SLAMF6: variants seen among roughly 807,000 people sequenced by gnomAD.
SLAMF6 encodes SLAM family member 6.
A neutral mutation model predicts 38.3 loss-of-function variants in SLAMF6; 21 were observed. The observed-to-expected ratio is 0.55, with a 90% confidence interval of 0.39 to 0.79. SLAMF6 has a LOEUF of 0.79. Ranked by LOEUF, SLAMF6 falls within the 30% of genes least tolerant of loss-of-function variation. SLAMF6 has a pLI of 0.00. For synonymous variants in SLAMF6, 152 were observed against 146.3 expected, an observed-to-expected ratio of 1.04 and a Z score of -0.28; for missense variants, 341 against 385.3, an observed-to-expected ratio of 0.89 and a Z score of 0.96.
At chr1:160,500,286 T>A (rs2181949) in intron 1 of SLAMF6, among the ~76,000 whole-genome samples, 22 of 152,376 alleles carry the variant, frequency 1.4e-4, no homozygotes, top group African/African-American at 5.3e-4. Flanking sequence ...CTATGGTCTA[T>A]AAGGACCAAA....
chr1:160,509,535 AAG>A (rs1654363565), intron 1 of SLAMF6, among the ~76,000 whole-genome samples: 1 of 152,200 alleles, frequency 6.6e-6, no homozygotes, highest in African/African-American at 2.4e-5. Flanking sequence ...GGATAGCATT[AAG>A]AGAAATACCT....
intron 1 of SLAMF6, among the ~76,000 whole-genome samples, chr1:160,522,266 T>A (rs6680709): frequency 0.84 from 128,401 of 152,224 alleles, 54,978 homozygotes; most frequent in Non-Finnish European, 0.93. Context: ...AATGGAGATA[T>A]TAATAGTATA....
At chr1:160,518,309 G>T (rs1007314818) in intron 1 of SLAMF6, among the ~76,000 whole-genome samples, 1 of 152,186 alleles carries the variant, frequency 6.6e-6, no homozygotes, top group African/African-American at 2.4e-5. Flanking sequence ...CTGTTGGTGG[G>T]AATGTAAATT....
At chr1:160,515,244 T>G (rs1197915369) in intron 1 of SLAMF6, among the ~76,000 whole-genome samples, 2 of 152,126 alleles carry the variant, frequency 1.3e-5, no homozygotes, top group Non-Finnish European at 2.9e-5. Flanking sequence ...TCTATGCACA[T>G]AACCTAGAAA....
intron 1 of SLAMF6, among the ~76,000 whole-genome samples, chr1:160,512,540 T>C (rs1324523325): frequency 6.6e-6 from 1 of 152,176 alleles, no homozygotes; most frequent in Non-Finnish European, 1.5e-5. Flanking sequence ...TCCCTTATCT[T>C]GTGACTCCTG....
rs1468068474 is a variant in SLAMF6 at position 160,491,231 on chromosome 1, A to G, written c.540T>C (p.Thr180=). 2 of 1,613,980 alleles carry G rather than the reference A, an allele frequency of 1.2e-6. No individual in the cohort carries two copies. Among genetic ancestry groups the G allele is most frequent in the Non-Finnish European group, 1.7e-6 (2 of 1,179,994 alleles). The stretch of plus-strand genomic sequence containing the variant: ...TGGAAATCCTGGGGTCCCAGGAGAC[A>G]GTGAGGTTTGGCTGACTTGAAAGTG... The part of the protein sequence containing the change: ...GNTLSSQPNL[T]VSWDPRISSE... The change falls in exon 3 of 8, where the codon ACT becomes ACC. Residue 180 remains threonine, a synonymous_variant. Coordinates refer to ENST00000368057, the MANE Select transcript of SLAMF6 (RefSeq NM_001184714.2).
chr1:160,517,620 C>G (rs1654805851), intron 1 of SLAMF6, among the ~76,000 whole-genome samples: 1 of 152,038 alleles, frequency 6.6e-6, no homozygotes, highest in Non-Finnish European at 1.5e-5. Flanking sequence ...CCATCAATGA[C>G]AGACGAGATA....
intron 2 of SLAMF6, 118 bp from the exon 3 acceptor site, chr1:160,491,506 G>A (rs946220489): frequency 7.1e-7 from 1 of 1,408,654 alleles, no homozygotes; most frequent in Admixed American, 2.4e-5. Context: ...GTTATGGTCT[G>A]TAGACTCTGT....
rs180988555 is a variant in SLAMF6, at chr1:160,519,295, T to G, written c.49+3849A>C. On this transcript the variant is annotated intron_variant, in intron 1 of 7. Coordinates refer to ENST00000368057, the MANE Select transcript of SLAMF6 (RefSeq NM_001184714.2). Reference sequence around the variant, plus strand: ...ACCTATTAGGATGGTGATAATAATCTTTTTAAAAAGGAAAAAAACAAGTGT... The same window carrying G: ...ACCTATTAGGATGGTGATAATAATCGTTTTAAAAAGGAAAAAAACAAGTGT... Among the ~76,000 whole-genome samples the G allele has an allele frequency of 5.5e-3, 840 of 152,250 alleles. 4 individuals are homozygous for G. The highest frequency in any genetic ancestry group is 0.012 in the Admixed American group (190 of 15,278).
At position 160,490,805 on chromosome 1, in the gene SLAMF6, G is replaced by A. The variant is rs557580064; in HGVS notation, c.647-120C>T. 161 of 1,441,954 alleles carry A rather than the reference G, an allele frequency of 1.1e-4. No homozygotes were observed. In the Middle Eastern group the frequency reaches 1.6e-3, roughly 15 times the overall value. The allele number at this position is 1,441,954 out of a possible 1,614,324, so 89.3% of individuals were successfully genotyped here. On this transcript the variant is annotated intron_variant, in intron 3 of 7. Transcript: ENST00000368057. ...GGACTAGGTAAGTTTGTCTATAGCC[G>A]GAGGCTCTGGGGTGGGAGTCCTATG...
chr1:160,514,808 G>A (rs1225788168), intron 1 of SLAMF6, among the ~76,000 whole-genome samples: 1 of 152,172 alleles, frequency 6.6e-6, no homozygotes, highest in Non-Finnish European at 1.5e-5. Context: ...TGAAACCAAT[G>A]AGAACAAAGA....
intron 1 of SLAMF6, among the ~76,000 whole-genome samples, chr1:160,500,005 T>G (rs1315618439): frequency 6.6e-6 from 1 of 152,226 alleles, no homozygotes; most frequent in Non-Finnish European, 1.5e-5. Flanking sequence ...TTCTATTTAT[T>G]TAAAGTTGAT....
At chr1:160,520,671 G>A (rs1406727948) in intron 1 of SLAMF6, among the ~76,000 whole-genome samples, 1 of 152,134 alleles carries the variant, frequency 6.6e-6, no homozygotes, top group Non-Finnish European at 1.5e-5. Flanking sequence ...CAGGGCTTGA[G>A]TTAAAGGAAA....
At chr1:160,511,249 C>A (rs944431272) in intron 1 of SLAMF6, among the ~76,000 whole-genome samples, 6 of 151,942 alleles carry the variant, frequency 3.9e-5, no homozygotes, top group African/African-American at 7.3e-5. Flanking sequence ...TTTCAAGATG[C>A]CCCAAGTAGC....
In SLAMF6 at chr1:160,496,295, C is replaced by A. The variant is rs1557938221; in HGVS notation, c.148G>T (p.Val50Phe). 1.9e-6 allele frequency: 3 copies of A among 1,613,986 alleles called. No homozygotes were observed. The highest frequency in any genetic ancestry group is 1.1e-5 in the South Asian group (1 of 91,084). Residue 50 changes from valine to phenylalanine, a missense_variant, in exon 2 of 8, where the codon GTC becomes TTC. Coordinates refer to ENST00000368057, the MANE Select transcript of SLAMF6 (RefSeq NM_001184714.2). ...LPLEFPAGEK[V>F]NFITWLFNET... ...TTGAAAAGCCAAGTGATGAAGTTGA[C>A]CTTCTCTCCTGCAGGAAACTCCAGG...
At position 160,490,232 on chromosome 1, in the gene SLAMF6, G is replaced by A; in HGVS notation, c.762C>T (p.Ser254=). ...GTGTTCGCTGAGTAGACAAAGATAG[G>A]GAATCTGAAAAATAAAACCAGAAAA... The part of the protein sequence containing the change: ...LLLVLRKRRD[S]LSLSTQRTQG... Residue 254 remains serine, a synonymous_variant, in exon 5 of 8, where the codon TCC becomes TCT. Coordinates refer to ENST00000368057, the MANE Select transcript of SLAMF6 (RefSeq NM_001184714.2). 1 of 1,613,602 alleles carries A rather than the reference G, an allele frequency of 6.2e-7. No individual in the cohort carries two copies. The highest frequency in any genetic ancestry group is 2.2e-5 in the East Asian group (1 of 44,872).
At chr1:160,516,356 A>T (rs545387634) in intron 1 of SLAMF6, among the ~76,000 whole-genome samples, 4 of 152,332 alleles carry the variant, frequency 2.6e-5, no homozygotes, top group Non-Finnish European at 4.4e-5. Context: ...ACCAGAGAGG[A>T]CACAAACAAA....
At chr1:160,491,493 T>C in intron 2 of SLAMF6, 105 bp from the exon 3 acceptor site, 2 of 1,485,414 alleles carry the variant, frequency 1.3e-6, no homozygotes. Flanking sequence ...ACCTTTGCTG[T>C]GTGTTATGGT....
intron 1 of SLAMF6, among the ~76,000 whole-genome samples, chr1:160,514,373 A>G (rs1654638484): frequency 1.3e-5 from 2 of 152,238 alleles, no homozygotes; most frequent in Non-Finnish European, 2.9e-5. Context: ...TTAGAGACGT[A>G]CAAGGAGATG....
Sources: allele counts gnomAD v4.1 joint callset (sites outside exome capture counted in the v4.1 genomes callset), GRCh38; gene constraint gnomAD v4.1.1; transcripts MANE v1.5; gene names NCBI Gene and HGNC (gene_info 2026-07-23, HGNC 2026-07-21).